PDGFC: variants seen among roughly 807,000 people sequenced by gnomAD.
The protein encoded by PDGFC is platelet-derived growth factor C.
Under a neutral mutation model 35.5 loss-of-function variants are expected in PDGFC, and 12 were observed. The observed-to-expected ratio is 0.34, with a 90% CI of 0.22 to 0.55. The LOEUF (loss-of-function observed/expected upper bound fraction) is 0.55, where lower values mean the gene tolerates loss of function less well. PDGFC is among the 20% of genes least tolerant of loss of function. The pLI is 0.91. For missense variants in PDGFC, 322 were observed against 412.4 expected (o/e 0.78, Z 1.90); for synonymous variants, 159 against 148.8 (o/e 1.07, Z -0.50).
chr4:156,916,581 C>G (rs1731160831), intron 1 of PDGFC, among the ~76,000 whole-genome samples: 1 of 152,180 alleles, frequency 6.6e-6, no homozygotes, highest in Non-Finnish European at 1.5e-5. Context: ...ATCCTACCTT[C>G]AAAATAACTC....
chr4:156,920,672 CACACACACACACACACACATAT>C (rs1731254249), intron 1 of PDGFC, among the ~76,000 whole-genome samples: 1 of 130,446 alleles, frequency 7.7e-6, no homozygotes, highest in Non-Finnish European at 1.5e-5. Flanking sequence ...CACACACACA[CACACACACACACACACACATAT>C]ACACACACTG....
chr4:156,873,863 T>G (rs141821845), intron 1 of PDGFC: 66 of 152,294 alleles, frequency 4.3e-4, no homozygotes, highest in African/African-American at 1.6e-3. Flanking sequence ...CAGCTTTGAG[T>G]AAATGACAGT....
intron 2 of PDGFC, among the ~76,000 whole-genome samples, chr4:156,828,672 T>C (rs922973091): frequency 6.6e-6 from 1 of 152,188 alleles, no homozygotes; most frequent in African/African-American, 2.4e-5. Flanking sequence ...TCTGGAAATA[T>C]AATTAGCATG....
chr4:156,820,059 A>G (rs540700836), intron 2 of PDGFC, among the ~76,000 whole-genome samples: 42 of 152,300 alleles, frequency 2.8e-4, no homozygotes, highest in South Asian at 1.0e-3. Flanking sequence ...AGGTAACTGA[A>G]TTGCTGCAAT....
intron 3 of PDGFC, among the ~76,000 whole-genome samples, chr4:156,809,621 A>G (rs568641796): frequency 9.2e-5 from 14 of 152,004 alleles, no homozygotes; most frequent in Admixed American, 9.2e-4. Flanking sequence ...TAATACATAC[A>G]TATAGTATGC....
chr4:156,945,860 A>G (rs1731935050), intron 1 of PDGFC, among the ~76,000 whole-genome samples: 1 of 152,012 alleles, frequency 6.6e-6, no homozygotes, highest in South Asian at 2.1e-4. Context: ...TGACTCCTAA[A>G]TCACCAGGCT....
intron 1 of PDGFC, among the ~76,000 whole-genome samples, chr4:156,904,406 T>C (rs184849396): frequency 6.6e-6 from 1 of 152,122 alleles, no homozygotes; most frequent in East Asian, 1.9e-4. Context: ...TCTAAAACCA[T>C]CTTGAACATT....
intron 2 of PDGFC, among the ~76,000 whole-genome samples, chr4:156,818,285 G>T (rs1175914918): frequency 6.6e-6 from 1 of 151,772 alleles, no homozygotes; most frequent in Non-Finnish European, 1.5e-5. Flanking sequence ...TGGCAACCCT[G>T]TGTGAAAAGC....
chr4:156,788,916 C>T (rs999804121), intron 3 of PDGFC, among the ~76,000 whole-genome samples: 4 of 152,116 alleles, frequency 2.6e-5, no homozygotes, highest in Non-Finnish European at 5.9e-5. Context: ...ATGCACTGAT[C>T]AACTGTGGTT....
At chr4:156,881,480 G>C (rs1449599835) in intron 1 of PDGFC, among the ~76,000 whole-genome samples, 1 of 152,034 alleles carries the variant, frequency 6.6e-6, no homozygotes, top group Non-Finnish European at 1.5e-5. Flanking sequence ...GTTGTGGGAG[G>C]GACCCAGCGG....
At chr4:156,793,883 A>C (rs1391967985) in intron 3 of PDGFC, among the ~76,000 whole-genome samples, 1 of 151,882 alleles carries the variant, frequency 6.6e-6, no homozygotes, top group Non-Finnish European at 1.5e-5. Context: ...ATGGGAATTC[A>C]AGCCAAATGT....
intron 3 of PDGFC, among the ~76,000 whole-genome samples, chr4:156,807,248 TG>T (rs1311889499): frequency 6.6e-6 from 1 of 152,030 alleles, no homozygotes; most frequent in Non-Finnish European, 1.5e-5. Context: ...CTAGTACTAC[TG>T]TTTTAAAAAG....
At chr4:156,771,001 T>C (rs1194615951) in intron 4 of PDGFC, among the ~76,000 whole-genome samples, 1 of 152,196 alleles carries the variant, frequency 6.6e-6, no homozygotes, top group Non-Finnish European at 1.5e-5. Flanking sequence ...TCTATATAGA[T>C]GTTATCCTAC....
At chr4:156,825,744 T>C (rs1293928222) in intron 2 of PDGFC, among the ~76,000 whole-genome samples, 1 of 151,894 alleles carries the variant, frequency 6.6e-6, no homozygotes, top group Non-Finnish European at 1.5e-5. Flanking sequence ...AGGGACCCTA[T>C]AGGCTGCTCC....
At chr4:156,954,946 G>A (rs1732172041) in intron 1 of PDGFC, among the ~76,000 whole-genome samples, 1 of 152,012 alleles carries the variant, frequency 6.6e-6, no homozygotes, top group African/African-American at 2.4e-5. Context: ...GGGGCATTAG[G>A]CTAGAGATTA....
chr4:156,934,696 C>A (rs1292166266), intron 1 of PDGFC, among the ~76,000 whole-genome samples: 3 of 152,098 alleles, frequency 2.0e-5, no homozygotes, highest in African/African-American at 7.2e-5. Flanking sequence ...AAAGTATTTT[C>A]TTTCTTTATA....
At chr4:156,876,190 G>A (rs342308) in intron 1 of PDGFC, among the ~76,000 whole-genome samples, 65,934 of 152,020 alleles carry the variant, frequency 0.43, 17,264 homozygotes, top group African/African-American at 0.73. Context: ...AAAAGTATCT[G>A]TTTCTAGTCA....
At chr4:156,850,644 T>G (rs1165633737) in intron 1 of PDGFC, among the ~76,000 whole-genome samples, 1 of 152,108 alleles carries the variant, frequency 6.6e-6, no homozygotes, top group Non-Finnish European at 1.5e-5. Context: ...AGCAAATTAC[T>G]CTTTTAAGGA....
chr4:156,945,382 TATATATATAA>T (rs1731921737), intron 1 of PDGFC, among the ~76,000 whole-genome samples: 1 of 116,054 alleles, frequency 8.6e-6, no homozygotes, highest in Non-Finnish European at 1.7e-5. Context: ...TATATATATA[TATATATATAA>T]TCAGTAGGGA....
Sources: allele counts gnomAD v4.1 joint callset (sites outside exome capture counted in the v4.1 genomes callset), GRCh38; gene constraint gnomAD v4.1.1; transcripts MANE v1.5; gene names NCBI Gene and HGNC (gene_info 2026-07-23, HGNC 2026-07-21).